Variants in SDK1 observed in about 807,000 individuals in gnomAD.
The protein encoded by SDK1 is protein sidekick-1.
In SDK1, 157 loss-of-function variants were observed where a neutral mutation model predicts 245.5. The ratio of observed to expected loss-of-function variants is 0.64; its 90% confidence interval spans 0.56 to 0.73. The LOEUF (loss-of-function observed/expected upper bound fraction) is 0.73, where lower values mean the gene tolerates loss of function less well. Among genes scored for constraint, SDK1 ranks in the 30% least tolerant of loss-of-function variants. SDK1 has a pLI of 0.00. For synonymous variants in SDK1, 1,647 were observed against 1,278.5 expected, an observed-to-expected ratio of 1.29 and a Z score of -6.15; for missense variants, 3,583 against 3,002.3, an observed-to-expected ratio of 1.19 and a Z score of -4.52.
chr7:3,953,885 C>T (rs1037450543), intron 7 of SDK1, among the ~76,000 whole-genome samples: 1 of 152,110 alleles, frequency 6.6e-6, no homozygotes, highest in Non-Finnish European at 1.5e-5. Flanking sequence ...TTGTGGTTGG[C>T]GCACACTGCA....
chr7:3,695,491 T>C (rs1314952695), intron 4 of SDK1, among the ~76,000 whole-genome samples: 1 of 152,232 alleles, frequency 6.6e-6, no homozygotes, highest in Admixed American at 6.5e-5. Context: ...TAAGCTGCTT[T>C]GTAAAGATTT....
intron 38 of SDK1, 45 bp from the exon 39 acceptor site, chr7:4,220,064 C>T: frequency 6.3e-7 from 1 of 1,595,754 alleles, no homozygotes; most frequent in East Asian, 2.2e-5. Flanking sequence ...ACAGTTGCTT[C>T]TCCAGGCTGA....
At chr7:3,422,746 G>C (rs1005126010) in intron 1 of SDK1, among the ~76,000 whole-genome samples, 1 of 152,140 alleles carries the variant, frequency 6.6e-6, no homozygotes, top group Non-Finnish European at 1.5e-5. Flanking sequence ...ATAAAAGGTG[G>C]GGGAAAAGCA....
intron 1 of SDK1, among the ~76,000 whole-genome samples, chr7:3,505,453 G>T (rs556117672): frequency 6.6e-6 from 1 of 152,234 alleles, no homozygotes; most frequent in East Asian, 1.9e-4. Context: ...GTCTCACTCT[G>T]TTGCTTCAGC....
chr7:3,352,265 T>G (rs1196938876), intron 1 of SDK1, among the ~76,000 whole-genome samples: 1 of 150,150 alleles, frequency 6.7e-6, no homozygotes, highest in Non-Finnish European at 1.5e-5. Flanking sequence ...TTTGGGAGGT[T>G]TTTTTTTTGA....
At chr7:3,811,696 A>T (rs1382679243) in intron 4 of SDK1, among the ~76,000 whole-genome samples, 2 of 152,180 alleles carry the variant, frequency 1.3e-5, no homozygotes, top group African/African-American at 4.8e-5. Context: ...AGGGAGTTGG[A>T]TGTGCTGCCT....
intron 1 of SDK1, among the ~76,000 whole-genome samples, chr7:3,533,064 A>G (rs751859111): frequency 6.6e-6 from 1 of 152,244 alleles, no homozygotes; most frequent in African/African-American, 2.4e-5. Flanking sequence ...ATCAAATTAT[A>G]CATGTATTAG....
At chr7:4,119,795 A>G (rs1043765567) in intron 25 of SDK1, among the ~76,000 whole-genome samples, 2 of 149,054 alleles carry the variant, frequency 1.3e-5, no homozygotes, top group African/African-American at 4.9e-5. Flanking sequence ...GCACACAGGC[A>G]ATGATTTGCC....
intron 4 of SDK1, among the ~76,000 whole-genome samples, chr7:3,650,039 T>C (rs1056243589): frequency 6.8e-6 from 1 of 146,120 alleles, no homozygotes; most frequent in African/African-American, 2.5e-5. Context: ...GCAATTAAAA[T>C]TGTGGTAAAA....
chr7:3,384,792 A>G (rs1415238137), intron 1 of SDK1, among the ~76,000 whole-genome samples: 1 of 152,240 alleles, frequency 6.6e-6, no homozygotes, highest in Non-Finnish European at 1.5e-5. Context: ...TTTGAAGCGT[A>G]TATGCACACT....
intron 35 of SDK1, among the ~76,000 whole-genome samples, chr7:4,197,918 C>G (rs1183951062): frequency 2.6e-5 from 4 of 152,228 alleles, no homozygotes; most frequent in Non-Finnish European, 4.4e-5. Flanking sequence ...AAAGGTTACT[C>G]TCATTTCTCA....
Position 3,563,825 on chromosome 7 carries a change from A to G in SDK1, c.299-55255A>G, listed in dbSNP as rs987533661. Among the ~76,000 whole-genome samples the G allele has an allele frequency of 4.6e-5, 7 of 152,344 alleles. No individual in the cohort carries two copies. The South Asian group carries it at 1.2e-3, about 27-fold the overall frequency. ...TATAAGAAGCCTCAATTTCCCAGGA[A>G]TGAAAGCAATAACAAATTAGGTTCA... On this transcript the variant is annotated intron_variant, in intron 1 of 44. Coordinates refer to ENST00000404826, the MANE Select transcript of SDK1 (RefSeq NM_152744.4).
chr7:4,230,572 A>G (rs1284694754), intron 40 of SDK1, among the ~76,000 whole-genome samples: 1 of 151,618 alleles, frequency 6.6e-6, no homozygotes, highest in Non-Finnish European at 1.5e-5. Flanking sequence ...GGAAGGATGA[A>G]TGGATGGATA....
intron 5 of SDK1, among the ~76,000 whole-genome samples, chr7:3,885,842 C>T (rs991413499): frequency 4.6e-5 from 7 of 152,174 alleles, no homozygotes; most frequent in African/African-American, 1.7e-4. Flanking sequence ...ATGACAAATG[C>T]TAACACTCAT....
chr7:3,579,714 T>G (rs1436828573), intron 1 of SDK1, among the ~76,000 whole-genome samples: 1 of 152,118 alleles, frequency 6.6e-6, no homozygotes, highest in African/African-American at 2.4e-5. Flanking sequence ...ACCCTGTCAG[T>G]TGGAATGTAA....
chr7:3,971,734 C>T (rs1782503310), intron 12 of SDK1, among the ~76,000 whole-genome samples, 166 bp downstream of exon 12: 1 of 152,206 alleles, frequency 6.6e-6, no homozygotes, highest in African/African-American at 2.4e-5. Context: ...ATGCAAATCC[C>T]ATTTTCCACT....
In SDK1 at chr7:4,139,619, G is replaced by GTGTGTGTA. The variant is rs1328844110; in HGVS notation, c.4229-6101_4229-6094dup. Among the ~76,000 whole-genome samples, 31 of 69,176 alleles carry GTGTGTGTA rather than the reference G, an allele frequency of 4.5e-4. 1 individual carries two copies. Among genetic ancestry groups the GTGTGTGTA allele is most frequent in the Middle Eastern group, 8.3e-3 (1 of 120 alleles). The allele number at this position is 69,176 out of a possible 152,430, so 45.4% of individuals were successfully genotyped here. A position where few individuals can be genotyped will look rare whatever the true frequency, so the allele number is the denominator to read the frequency against. The stretch of plus-strand genomic sequence containing the variant: ...TATGTATATATGTGTGTGTATATGT[G>GTGTGTGTA]TGTGTGTATATGTATATATGTGTGT... On this transcript the variant is annotated intron_variant, in intron 28 of 44. Transcript: ENST00000404826.
intron 4 of SDK1, among the ~76,000 whole-genome samples, chr7:3,736,926 C>T (rs981585696): frequency 3.3e-5 from 5 of 152,196 alleles, no homozygotes; most frequent in Non-Finnish European, 7.3e-5. Flanking sequence ...TACCCTTTGA[C>T]GAACATCTGT....
intron 40 of SDK1, 119 bp downstream of exon 40, chr7:4,221,483 C>A: frequency 7.7e-7 from 1 of 1,300,854 alleles, no homozygotes; most frequent in Non-Finnish European, 1.0e-6. Context: ...AAGCTGGGAC[C>A]AAGAGGGCGG....
Sources: allele counts gnomAD v4.1 joint callset (sites outside exome capture counted in the v4.1 genomes callset), GRCh38; gene constraint gnomAD v4.1.1; transcripts MANE v1.5; gene names NCBI Gene and HGNC (gene_info 2026-07-23, HGNC 2026-07-21).